Variants in VDR observed in about 807,000 individuals in gnomAD.
The protein encoded by VDR is vitamin D3 receptor.
In VDR, 19 loss-of-function variants were observed where a neutral mutation model predicts 39.7. The ratio of observed to expected loss-of-function variants is 0.48; its 90% CI spans 0.33 to 0.70. The LOEUF is 0.70. VDR is among the 30% of genes least tolerant of loss of function. The pLI is 0.02. For missense variants in VDR, 442 were observed against 570.5 expected (o/e 0.77, Z 2.29); for synonymous variants, 242 against 215.8 (o/e 1.12, Z -1.07).
At chr12:47,902,923 T>C (rs1157416653) in intron 1 of VDR, among the ~76,000 whole-genome samples, 4 of 152,156 alleles carry the variant, frequency 2.6e-5, no homozygotes, top group East Asian at 1.9e-4. Context: ...GGGTAGAGTG[T>C]AGGGGTTCAG....
intron 4 of VDR, among the ~76,000 whole-genome samples, chr12:47,864,078 T>G (rs1820138915): frequency 6.6e-6 from 1 of 152,118 alleles, no homozygotes; most frequent in Admixed American, 6.5e-5. Flanking sequence ...GACCCACAGC[T>G]AGGAGGGCCT....
chr12:47,869,318 C>G (rs563192972), intron 3 of VDR, among the ~76,000 whole-genome samples: 1 of 151,994 alleles, frequency 6.6e-6, no homozygotes, highest in African/African-American at 2.4e-5. Context: ...AGGCGGATCG[C>G]GAGGTCAGGA....
chr12:47,887,322 C>CAAAAAA lies in VDR; in HGVS notation c.-83-4554_-83-4549dup, dbSNP rs10686139. ...GGGCGACAAGAGTAAAACTCCGTCTCAAAAAAAAAAAAAAAAAAACAAAGG... is the reference window on the plus strand; with the variant it reads ...GGGCGACAAGAGTAAAACTCCGTCTCAAAAAAAAAAAAAAAAAAAAAAAAACAAAGG... On this transcript the variant is annotated intron_variant, in intron 1 of 9. Coordinates refer to ENST00000549336, the MANE Select transcript of VDR (RefSeq NM_000376.3). 9.1e-3 allele frequency among the ~76,000 whole-genome samples: 654 copies of CAAAAAA among 71,806 alleles called. 15 individuals carry two copies. Among genetic ancestry groups the CAAAAAA allele is most frequent in the East Asian group, 0.028 (71 of 2,554 alleles). 47.1% of individuals were successfully genotyped at this position (71,806 alleles called of 152,430 possible). A position where few individuals can be genotyped will look rare whatever the true frequency, so the allele number is the denominator to read the frequency against.
At chr12:47,878,849 G>A (rs561550050) in intron 3 of VDR, 119 bp downstream of exon 3, 31 of 1,524,552 alleles carry the variant, frequency 2.0e-5, no homozygotes, top group Middle Eastern at 1.7e-4. Context: ...TGTGAGCGCC[G>A]CATGTTCCAT....
intron 1 of VDR, among the ~76,000 whole-genome samples, chr12:47,896,399 T>C (rs1046522954): frequency 6.6e-6 from 1 of 151,974 alleles, no homozygotes; most frequent in Non-Finnish European, 1.5e-5. Context: ...GACATGTTAG[T>C]TATTGTGTGG....
chr12:47,865,392 T>C (rs1945709766), intron 3 of VDR, among the ~76,000 whole-genome samples: 1 of 152,214 alleles, frequency 6.6e-6, no homozygotes, highest in South Asian at 2.1e-4. Context: ...TCATGGCTTG[T>C]ACTTACCTTT....
chr12:47,882,850 C>G, intron 1 of VDR, 76 bp from the exon 2 acceptor site: 1 of 1,206,262 alleles, frequency 8.3e-7, no homozygotes, highest in Non-Finnish European at 1.2e-6. Context: ...GAAGTGGGCA[C>G]GAGAGGCTCT....
chr12:47,849,820 G>A (rs991902065), intron 7 of VDR, among the ~76,000 whole-genome samples: 97 of 151,882 alleles, frequency 6.4e-4, no homozygotes, highest in African/African-American at 1.8e-3. Context: ...ACATTTTGGC[G>A]TATTTTCTTC....
intron 1 of VDR, among the ~76,000 whole-genome samples, chr12:47,894,430 C>A (rs1003889545): frequency 6.6e-6 from 1 of 152,240 alleles, no homozygotes; most frequent in South Asian, 2.1e-4. Flanking sequence ...CCCATTTCCT[C>A]TGACTGGGCT....
intron 7 of VDR, among the ~76,000 whole-genome samples, chr12:47,849,112 CCTGA>C (rs1945336928): frequency 6.6e-6 from 1 of 151,994 alleles, no homozygotes; most frequent in African/African-American, 2.4e-5. Context: ...CCTTTCTCTT[CCTGA>C]CTGTCTACTT....
At chr12:47,892,850 G>A (rs11574030) in intron 1 of VDR, among the ~76,000 whole-genome samples, 235 of 152,324 alleles carry the variant, frequency 1.5e-3, no homozygotes, top group African/African-American at 5.3e-3. Flanking sequence ...AGAAGAGAAG[G>A]CTCTTTGGAG....
Position 47,888,808 on chromosome 12 carries a change from C to G in VDR, c.-83-6034G>C, listed in dbSNP as rs376845527. 5.7e-4 allele frequency among the ~76,000 whole-genome samples: 87 copies of G among 152,242 alleles called. No individual in the cohort carries two copies. In the South Asian group the frequency reaches 0.018, roughly 32 times the overall value. ...TTGGTTAACAAATACCAAATTAAAG[C>G]TGGACAGGAAGAATGGATTCTGGTT... On this transcript the variant is annotated intron_variant, in intron 1 of 9. Transcript: ENST00000549336.
rs11574116 is a variant in VDR at position 47,844,562 on chromosome 12, A to G, written c.*184T>C. On this transcript the variant is annotated 3_prime_UTR_variant, in exon 10 of 10. Transcript: ENST00000549336. ...CTGAGGTCTCAAGGGACCGGGGAAA[A>G]GCCCGCAGGAAAGGGGTTAGGTTGG... 3 of 795,274 alleles carry G rather than the reference A, an allele frequency of 3.8e-6. No homozygotes were observed. Among genetic ancestry groups the G allele is most frequent in the South Asian group, 3.6e-5 (2 of 55,780 alleles). The allele number at this position is 795,274 out of a possible 1,614,324, so 49.3% of individuals were successfully genotyped here.
chr12:47,876,251 T>G (rs976188999), intron 3 of VDR, among the ~76,000 whole-genome samples: 11 of 151,398 alleles, frequency 7.3e-5, no homozygotes, highest in Admixed American at 3.9e-4. Flanking sequence ...ATGTGTGTGT[T>G]TGTTTATGTA....
chr12:47,904,806 C>T, intron 1 of VDR, 149 bp downstream of exon 1: 1 of 569,406 alleles, frequency 1.8e-6, no homozygotes, highest in Non-Finnish European at 3.0e-6. Flanking sequence ...AGCCTCATGG[C>T]ACGACAGCCC....
intron 7 of VDR, among the ~76,000 whole-genome samples, chr12:47,850,271 C>G (rs943144263): frequency 2.6e-5 from 4 of 152,176 alleles, no homozygotes; most frequent in Non-Finnish European, 4.4e-5. Context: ...CTATATCACT[C>G]AAAATTATTT....
Position 47,844,354 on chromosome 12 carries a change from G to A in VDR, c.*392C>T, listed in dbSNP as rs1013089187. 1.4e-5 allele frequency: 5 copies of A among 353,756 alleles called. No homozygotes were observed. The highest frequency in any genetic ancestry group is 2.7e-5 in the Non-Finnish European group (5 of 187,236). 21.9% of individuals were successfully genotyped at this position (353,756 alleles called of 1,614,324 possible). ...GCGCTGGACAAGCGGGGCCTGCAGT[G>A]GGGGGAGGTGCAGGTGTCTCTGTCC... is the stretch of plus-strand genomic sequence containing the variant. On this transcript the variant is annotated 3_prime_UTR_variant, in exon 10 of 10. Coordinates refer to ENST00000549336, the MANE Select transcript of VDR (RefSeq NM_000376.3).
intron 6 of VDR, among the ~76,000 whole-genome samples, chr12:47,856,588 A>G (rs1592106346): frequency 6.6e-6 from 1 of 151,202 alleles, no homozygotes; most frequent in East Asian, 1.9e-4. Context: ...TATACAGCAC[A>G]ATTTCTTTTC....
At chr12:47,874,500 G>A (rs553156591) in intron 3 of VDR, among the ~76,000 whole-genome samples, 2 of 152,270 alleles carry the variant, frequency 1.3e-5, no homozygotes, top group Non-Finnish European at 2.9e-5. Flanking sequence ...ATCCTCGCCA[G>A]CCTACCTTTT....
Sources: gnomAD v4.1 joint callset for allele counts (sites outside exome capture counted in the v4.1 genomes callset) on GRCh38, gnomAD v4.1.1 for gene constraint, MANE v1.5 for transcripts, NCBI Gene and HGNC (gene_info 2026-07-23, HGNC 2026-07-21) for gene names.